Variants in TGFBRAP1 observed in about 807,000 individuals in gnomAD.
TGFBRAP1 encodes the protein transforming growth factor-beta receptor-associated protein 1.
Under a neutral mutation model 83.2 loss-of-function variants are expected in TGFBRAP1, and 20 were observed. The ratio of observed to expected loss-of-function variants is 0.24; its 90% confidence interval spans 0.17 to 0.35. The LOEUF (loss-of-function observed/expected upper bound fraction) is 0.35, where lower values mean the gene tolerates loss of function less well. Among genes scored for constraint, TGFBRAP1 ranks in the 10% least tolerant of loss-of-function variants. The pLI is 1.00. For missense variants in TGFBRAP1, 950 were observed against 1,099.4 expected (o/e 0.86, Z 1.92); for synonymous variants, 415 against 459.8 (o/e 0.90, Z 1.25).
intron 2 of TGFBRAP1, among the ~76,000 whole-genome samples, chr2:105,299,563 C>T (rs766020674): frequency 1.6e-4 from 25 of 151,968 alleles, no homozygotes; most frequent in Non-Finnish European, 2.6e-4. Context: ...AACCAGAGAA[C>T]TATGCAGCAC....
chr2:105,262,285 C>A (rs1187568914), downstream of TGFBRAP1, among the ~76,000 whole-genome samples: 2 of 152,132 alleles, frequency 1.3e-5, no homozygotes, highest in Admixed American at 6.6e-5. Flanking sequence ...TCACGAATTA[C>A]CTCCCCGTGG....
At chr2:105,296,756 CTT>C (rs60031957) in intron 3 of TGFBRAP1, among the ~76,000 whole-genome samples, 25 of 73,208 alleles carry the variant, frequency 3.4e-4, no homozygotes, top group African/African-American at 7.7e-4. Flanking sequence ...CTTTTTTTGC[CTT>C]TTTTTTTTTT....
At chr2:105,283,650 A>G (rs1352123503) in intron 5 of TGFBRAP1, among the ~76,000 whole-genome samples, 1 of 152,222 alleles carries the variant, frequency 6.6e-6, no homozygotes, top group African/African-American at 2.4e-5. Flanking sequence ...CTCCTGCCTC[A>G]CTGAGCACTC....
the TGFBRAP1 span, among the ~76,000 whole-genome samples, chr2:105,256,120 A>C: frequency 9.8e-5 from 15 of 152,368 alleles, no homozygotes; most frequent in South Asian, 3.1e-3. Context: ...TATGTTTTAA[A>C]AAACTTTGAC....
At chr2:105,276,110 A>G (rs1400535467) in intron 7 of TGFBRAP1, among the ~76,000 whole-genome samples, 5 of 152,216 alleles carry the variant, frequency 3.3e-5, no homozygotes, top group Non-Finnish European at 7.3e-5. Flanking sequence ...TCTCCGTCAC[A>G]GACATTCTTG....
intron 1 of TGFBRAP1, chr2:105,325,158 A>T (rs1396494061): frequency 4.6e-5 from 7 of 152,250 alleles, no homozygotes; most frequent in Non-Finnish European, 1.0e-4. Flanking sequence ...CCAGGTAGTC[A>T]GCTCCAAAGC....
intron 2 of TGFBRAP1, 30 bp from the exon 3 acceptor site, chr2:105,298,735 C>T: frequency 6.5e-7 from 1 of 1,530,276 alleles, no homozygotes; most frequent in Non-Finnish European, 8.8e-7. Flanking sequence ...GTTAGGTAGG[C>T]TTCCAAATAA....
intron 8 of TGFBRAP1, among the ~76,000 whole-genome samples, chr2:105,275,042 C>T (rs1013983979): frequency 1.3e-5 from 2 of 152,180 alleles, no homozygotes; most frequent in African/African-American, 2.4e-5. Flanking sequence ...TTCTCAGCCT[C>T]CAGGACAGGC....
intron 2 of TGFBRAP1, among the ~76,000 whole-genome samples, chr2:105,301,785 T>C (rs1033192323): frequency 1.3e-5 from 2 of 152,164 alleles, no homozygotes; most frequent in Non-Finnish European, 2.9e-5. Context: ...TGGAGTGTAG[T>C]GCCTAGTCAC....
intron 4 of TGFBRAP1, among the ~76,000 whole-genome samples, chr2:105,295,645 T>G (rs1678059309): frequency 6.6e-6 from 1 of 151,874 alleles, no homozygotes; most frequent in Non-Finnish European, 1.5e-5. Flanking sequence ...ACCCCATCTC[T>G]ATTAAAAATA....
Position 105,264,813 on chromosome 2 carries a change from T to C in TGFBRAP1, c.*2570A>G, listed in dbSNP as rs905194038. 1 of 152,268 alleles carries C rather than the reference T, an allele frequency of 6.6e-6. No homozygotes were observed. Among genetic ancestry groups the C allele is most frequent in the Non-Finnish European group, 1.5e-5 (1 of 68,040 alleles). 9.4% of individuals were successfully genotyped at this position (152,268 alleles called of 1,614,324 possible). A position where few individuals can be genotyped will look rare whatever the true frequency, so the allele number is the denominator to read the frequency against. On this transcript the variant is annotated 3_prime_UTR_variant, in exon 12 of 12. Transcript: ENST00000393359. ...AATGGTATTGCCCATAGAATATGAATGTAAACTGAGTTCAGTTCATGCTGT... is the reference window on the plus strand; with the variant it reads ...AATGGTATTGCCCATAGAATATGAACGTAAACTGAGTTCAGTTCATGCTGT...
chr2:105,283,554 T>C (rs1436217254), intron 5 of TGFBRAP1, among the ~76,000 whole-genome samples: 5 of 152,230 alleles, frequency 3.3e-5, no homozygotes, highest in Non-Finnish European at 5.9e-5. Context: ...CTAAAGGCAG[T>C]GCCTGAGTAC....
chr2:105,268,709 G>A (rs1677031867), intron 11 of TGFBRAP1, among the ~76,000 whole-genome samples: 1 of 152,208 alleles, frequency 6.6e-6, no homozygotes, highest in African/African-American at 2.4e-5. Context: ...TACCCGCTCT[G>A]GAAAGAAGAC....
the TGFBRAP1 span, among the ~76,000 whole-genome samples, chr2:105,251,288 CCT>C: frequency 6.9e-6 from 1 of 143,892 alleles, no homozygotes; most frequent in South Asian, 2.2e-4. Flanking sequence ...ATGTGAGGAG[CCT>C]CTCTGCCTGG....
At chr2:105,298,084 C>G (rs186346723) in intron 3 of TGFBRAP1, among the ~76,000 whole-genome samples, 1 of 152,178 alleles carries the variant, frequency 6.6e-6, no homozygotes, top group African/African-American at 2.4e-5. Flanking sequence ...ACTACAGTCA[C>G]AGTGAGCTGC....
At chr2:105,279,477 C>A (rs1677456063) in intron 6 of TGFBRAP1, among the ~76,000 whole-genome samples, 1 of 152,036 alleles carries the variant, frequency 6.6e-6, no homozygotes, top group Non-Finnish European at 1.5e-5. Flanking sequence ...CCCAAGCTGG[C>A]CTCAAACTCC....
In TGFBRAP1 at chr2:105,296,388, C is replaced by A. The variant is rs772941262; in HGVS notation, c.1006G>T (p.Ala336Ser). Residue 336 changes from alanine (A) to serine (S), a missense_variant, in exon 4 of 12, where the codon GCC becomes TCC. Physicochemically the swap from Ala to Ser is moderately conservative, Grantham distance 99. Transcript: ENST00000393359. ...TTTTCCTTTGGAATGTTCCTCCGGGCTCCTTTTGCTAAAACCAAAGCCTCT... is the reference window on the plus strand; with the variant it reads ...TTTTCCTTTGGAATGTTCCTCCGGGATCCTTTTGCTAAAACCAAAGCCTCT... ...VEEALVLAKG[A>S]RRNIPKEKFQ... 2 of 1,613,892 alleles carry A rather than the reference C, an allele frequency of 1.2e-6. No individual in the cohort carries two copies. Among genetic ancestry groups the A allele is most frequent in the Non-Finnish European group, 1.7e-6 (2 of 1,180,010 alleles).
Position 105,266,744 on chromosome 2 carries a change from T to C in TGFBRAP1, c.*639A>G, listed in dbSNP as rs369643878. On this transcript the variant is annotated 3_prime_UTR_variant, in exon 12 of 12. Transcript: ENST00000393359. Reference sequence around the variant, plus strand: ...GCTTGGGTACACAAGGCAGAATCTTTTGGGAGCTGAGAGCCGGAGAGGAAG... The same window carrying C: ...GCTTGGGTACACAAGGCAGAATCTTCTGGGAGCTGAGAGCCGGAGAGGAAG... 3 of 152,288 alleles carry C rather than the reference T, an allele frequency of 2.0e-5. No homozygotes were observed. The East Asian group carries it at 5.8e-4, about 29-fold the overall frequency. 9.4% of individuals were successfully genotyped at this position (152,288 alleles called of 1,614,324 possible).
chr2:105,314,860 G>A (rs113755960), intron 1 of TGFBRAP1, among the ~76,000 whole-genome samples: 7,269 of 149,276 alleles, frequency 0.049, 206 homozygotes, highest in Middle Eastern at 0.079. Context: ...TGAGGCAGGA[G>A]AATCGCTTGG....
Sources: gnomAD v4.1 joint callset for allele counts (sites outside exome capture counted in the v4.1 genomes callset) on GRCh38, gnomAD v4.1.1 for gene constraint, MANE v1.5 for transcripts, NCBI Gene and HGNC (gene_info 2026-07-23, HGNC 2026-07-21) for gene names.